The following LOC128462377 variants were observed in gnomAD, a reference collection of about 807,000 sequenced individuals.
the LOC128462377 span, among the ~76,000 whole-genome samples, chr16:89,407,485 T>C: frequency 6.6e-6 from 1 of 151,974 alleles, no homozygotes; most frequent in African/African-American, 2.4e-5. Flanking sequence ...CACGTTCGCC[T>C]CGTCAGGGCT....
chr16:89,328,378 C>A, the LOC128462377 span, among the ~76,000 whole-genome samples: 1 of 152,228 alleles, frequency 6.6e-6, no homozygotes, highest in Non-Finnish European at 1.5e-5. Flanking sequence ...CATGTGAACA[C>A]AAAGACCTGT....
At chr16:89,407,871 A>AAG in the LOC128462377 span, among the ~76,000 whole-genome samples, 2 of 117,928 alleles carry the variant, frequency 1.7e-5, no homozygotes, top group African/African-American at 6.1e-5. Flanking sequence ...AAAAAAAAAA[A>AAG]AAGAAGAAGA....
At chr16:89,357,100 G>A in the LOC128462377 span, among the ~76,000 whole-genome samples, 3 of 152,238 alleles carry the variant, frequency 2.0e-5, no homozygotes. Context: ...GGATGAGGAT[G>A]AGTCTGTAGG....
chr16:89,349,861 A>AACACACACACAC, the LOC128462377 span, among the ~76,000 whole-genome samples: 2 of 133,138 alleles, frequency 1.5e-5, no homozygotes, highest in East Asian at 2.1e-4. Flanking sequence ...TACTTGTTAA[A>AACACACACACAC]ACACACACAC....
the LOC128462377 span, among the ~76,000 whole-genome samples, chr16:89,328,655 G>A: frequency 6.1e-4 from 91 of 148,186 alleles, no homozygotes; most frequent in African/African-American, 2.3e-3. Context: ...CGAAATCAGC[G>A]GAGGCCCCTG....
the LOC128462377 span, among the ~76,000 whole-genome samples, chr16:89,336,622 C>G: frequency 6.6e-6 from 1 of 152,150 alleles, no homozygotes; most frequent in Non-Finnish European, 1.5e-5. Flanking sequence ...TTTGTAAGGA[C>G]GGAAAGCCAC....
chr16:89,364,852 T>C, the LOC128462377 span, among the ~76,000 whole-genome samples: 1 of 152,192 alleles, frequency 6.6e-6, no homozygotes, highest in African/African-American at 2.4e-5. Flanking sequence ...CTGATCCCAC[T>C]GCAGATGTTC....
the LOC128462377 span, among the ~76,000 whole-genome samples, chr16:89,351,283 AAC>A: frequency 9.8e-5 from 15 of 152,298 alleles, no homozygotes; most frequent in African/African-American, 3.4e-4. Flanking sequence ...CAGGCCGCCA[AAC>A]ACATCTGGAA....
the LOC128462377 span, among the ~76,000 whole-genome samples, chr16:89,337,950 G>C: frequency 2.0e-5 from 3 of 152,150 alleles, no homozygotes; most frequent in Non-Finnish European, 2.9e-5. Context: ...TGAGCATGAG[G>C]GTCCAGCTTC....
the LOC128462377 span, among the ~76,000 whole-genome samples, chr16:89,384,879 C>CTTTTTTTTTTTTTTTTT: frequency 3.5e-3 from 174 of 49,934 alleles, 23 homozygotes; most frequent in South Asian, 4.8e-3. Flanking sequence ...AAATAGTTTT[C>CTTTTTTTTTTTTTTTTT]TTTTTTTTTT....
chr16:89,365,042 G>C, the LOC128462377 span, among the ~76,000 whole-genome samples: 2 of 152,152 alleles, frequency 1.3e-5, no homozygotes, highest in Non-Finnish European at 1.5e-5. Context: ...CTGTTTTATA[G>C]GTAACAAGTC....
chr16:89,379,575 C>A, the LOC128462377 span, among the ~76,000 whole-genome samples: 8 of 152,210 alleles, frequency 5.3e-5, no homozygotes, highest in Non-Finnish European at 4.4e-5. Flanking sequence ...ACCTCCTGGG[C>A]TCAAGTGACA....
At chr16:89,391,129 G>GA in the LOC128462377 span, among the ~76,000 whole-genome samples, 1 of 151,336 alleles carries the variant, frequency 6.6e-6, no homozygotes, top group Non-Finnish European at 1.5e-5. Flanking sequence ...TCGGGAGGCT[G>GA]AAGCAGGAGA....
At chr16:89,332,940 C>T in the LOC128462377 span, among the ~76,000 whole-genome samples, 5 of 152,236 alleles carry the variant, frequency 3.3e-5, no homozygotes, top group Admixed American at 2.6e-4. Flanking sequence ...ACTCAAGAAA[C>T]GAGCTGCAAC....
At chr16:89,390,610 A>G in the LOC128462377 span, among the ~76,000 whole-genome samples, 1 of 152,200 alleles carries the variant, frequency 6.6e-6, no homozygotes, top group East Asian at 1.9e-4. Flanking sequence ...CAGAGGTGAA[A>G]AGAAAATCTT....
chr16:89,342,455 C>T, the LOC128462377 span, among the ~76,000 whole-genome samples: 3 of 152,198 alleles, frequency 2.0e-5, no homozygotes, highest in Admixed American at 6.5e-5. Flanking sequence ...GCAAAGAACT[C>T]GCCCAACAGG....
the LOC128462377 span, among the ~76,000 whole-genome samples, chr16:89,367,726 G>A: frequency 2.9e-4 from 44 of 152,180 alleles, no homozygotes; most frequent in African/African-American, 2.4e-5. Context: ...ACAGCTCCAC[G>A]CATCCCATCC....
At chr16:89,416,981 A>C in the LOC128462377 span, among the ~76,000 whole-genome samples, 1 of 152,034 alleles carries the variant, frequency 6.6e-6, no homozygotes, top group African/African-American at 2.4e-5. Flanking sequence ...GATCTTGAAA[A>C]ATGTCTCACC....
chr16:89,387,566 G>C, the LOC128462377 span, among the ~76,000 whole-genome samples: 1 of 151,064 alleles, frequency 6.6e-6, no homozygotes, highest in Non-Finnish European at 1.5e-5. Flanking sequence ...CCAGCTACTC[G>C]GGAGACTGAG....
Sources: allele counts gnomAD v4.1 joint callset (sites outside exome capture counted in the v4.1 genomes callset), GRCh38; gene constraint gnomAD v4.1.1; transcripts MANE v1.5.